The following SLC24A3 variants were observed in gnomAD, a reference collection of about 807,000 sequenced individuals.
SLC24A3 encodes the protein sodium/potassium/calcium exchanger 3.
In SLC24A3, 28 loss-of-function variants were observed where a neutral mutation model predicts 75.8. The ratio of observed to expected loss-of-function variants is 0.37; its 90% confidence interval spans 0.27 to 0.51. The LOEUF (loss-of-function observed/expected upper bound fraction) is 0.51. Among genes scored for constraint, SLC24A3 ranks in the 20% least tolerant of loss-of-function variants. SLC24A3 has a pLI of 0.94. For missense variants in SLC24A3, 663 were observed against 847.8 expected, an observed-to-expected ratio of 0.78 and a Z score of 2.71; for synonymous variants, 372 against 334.1, an observed-to-expected ratio of 1.11 and a Z score of -1.24.
chr20:19,258,732 G>T (rs1283239846), intron 1 of SLC24A3, among the ~76,000 whole-genome samples: 1 of 152,002 alleles, frequency 6.6e-6, no homozygotes, highest in African/African-American at 2.4e-5. Context: ...TAATGATGAG[G>T]CAGATATAAA....
intron 6 of SLC24A3, among the ~76,000 whole-genome samples, chr20:19,620,589 C>T (rs1302151171): frequency 1.3e-5 from 2 of 152,196 alleles, no homozygotes; most frequent in African/African-American, 4.8e-5. Context: ...TCCTAGCTGT[C>T]ACTGGGACAC....
chr20:19,638,270 G>A (rs1006131159), intron 6 of SLC24A3, among the ~76,000 whole-genome samples: 2 of 152,038 alleles, frequency 1.3e-5, no homozygotes, highest in African/African-American at 4.8e-5. Flanking sequence ...ATCTAGAAAG[G>A]CCTATTATGA....
intron 2 of SLC24A3, among the ~76,000 whole-genome samples, chr20:19,377,113 A>G (rs1210876142): frequency 6.6e-6 from 1 of 152,152 alleles, no homozygotes; most frequent in Non-Finnish European, 1.5e-5. Context: ...TGGAGTGTGT[A>G]CATTTCCCCC....
At position 19,722,436 on chromosome 20, in the gene SLC24A3, A is replaced by G. The variant is rs1425643211; in HGVS notation, c.*1296A>G. On this transcript the variant is annotated 3_prime_UTR_variant, in exon 17 of 17. Transcript: ENST00000328041. ...GTTACATGCAGACTCGCTCAAGGGC[A>G]TAAGTTATTGTGAACGTTTTTGCCA... The G allele has an allele frequency of 4.6e-5, 7 of 152,726 alleles. No homozygotes were observed. The highest frequency in any genetic ancestry group is 3.9e-4 in the Admixed American group (6 of 15,292). 9.5% of individuals were successfully genotyped at this position (152,726 alleles called of 1,614,324 possible).
intron 1 of SLC24A3, among the ~76,000 whole-genome samples, chr20:19,221,738 C>G (rs949797263): frequency 2.6e-5 from 4 of 152,166 alleles, no homozygotes; most frequent in East Asian, 1.9e-4. Context: ...GTATCCACCC[C>G]CCGCCTCACC....
At chr20:19,333,621 T>G (rs1026594195) in intron 2 of SLC24A3, among the ~76,000 whole-genome samples, 1 of 131,104 alleles carries the variant, frequency 7.6e-6, no homozygotes, top group South Asian at 2.5e-4. Flanking sequence ...CCAGTCTTGC[T>G]AGTGTGTGTG....
At chr20:19,219,880 G>T (rs912274217) in intron 1 of SLC24A3, among the ~76,000 whole-genome samples, 1 of 152,206 alleles carries the variant, frequency 6.6e-6, no homozygotes, top group African/African-American at 2.4e-5. Context: ...TTCAGAGGAG[G>T]TTGTCAGATG....
chr20:19,484,684 G>C (rs1237616554), intron 2 of SLC24A3, among the ~76,000 whole-genome samples: 3 of 152,164 alleles, frequency 2.0e-5, no homozygotes, highest in Admixed American at 6.6e-5. Context: ...CAGGGTCCGG[G>C]GGGAGGCAGG....
chr20:19,252,295 G>A (rs1982681834), intron 1 of SLC24A3, among the ~76,000 whole-genome samples: 1 of 152,218 alleles, frequency 6.6e-6, no homozygotes, highest in South Asian at 2.1e-4. Context: ...AATGGAGCCA[G>A]TCTTTCAACA....
chr20:19,423,134 C>T (rs144705697), intron 2 of SLC24A3, among the ~76,000 whole-genome samples: 12 of 152,306 alleles, frequency 7.9e-5, no homozygotes, highest in East Asian at 1.9e-4. Flanking sequence ...CGCATCCAGC[C>T]GGTCTGGCCA....
chr20:19,384,697 C>A (rs1986242081), intron 2 of SLC24A3, among the ~76,000 whole-genome samples: 1 of 152,158 alleles, frequency 6.6e-6, no homozygotes, highest in African/African-American at 2.4e-5. Flanking sequence ...ATACATACCC[C>A]AAAATGGGAT....
chr20:19,243,873 C>T (rs13039708), intron 1 of SLC24A3: 14,206 of 152,140 alleles, frequency 0.093, 1,154 homozygotes, highest in African/African-American at 0.22. Flanking sequence ...AATCAGCCAC[C>T]CACCTTGATT....
At chr20:19,348,535 C>T (rs751662806) in intron 2 of SLC24A3, among the ~76,000 whole-genome samples, 13 of 152,142 alleles carry the variant, frequency 8.5e-5, no homozygotes, top group African/African-American at 1.9e-4. Context: ...GCTTGCATTC[C>T]TCCTTGGTAT....
intron 2 of SLC24A3, among the ~76,000 whole-genome samples, chr20:19,401,923 T>C (rs565181228): frequency 9.2e-5 from 14 of 152,324 alleles, no homozygotes; most frequent in African/African-American, 3.1e-4. Context: ...ACACGTTTTA[T>C]TGATCACCTT....
intron 1 of SLC24A3, among the ~76,000 whole-genome samples, chr20:19,249,104 T>C (rs193208527): frequency 2.6e-4 from 39 of 152,110 alleles, no homozygotes; most frequent in Non-Finnish European, 4.7e-4. Flanking sequence ...CATTCCACAT[T>C]GTATATGTAG....
At chr20:19,666,126 A>G (rs1254352107) in intron 8 of SLC24A3, among the ~76,000 whole-genome samples, 1 of 152,168 alleles carries the variant, frequency 6.6e-6, no homozygotes, top group Non-Finnish European at 1.5e-5. Flanking sequence ...CCTAATATCT[A>G]AATGTCTTTA....
intron 3 of SLC24A3, among the ~76,000 whole-genome samples, chr20:19,530,437 T>C (rs780042441): frequency 9.2e-5 from 14 of 152,212 alleles, no homozygotes; most frequent in Admixed American, 2.6e-4. Context: ...TGGGTGAGGA[T>C]GTCAGTAGCA....
At chr20:19,714,404 C>CT (rs2033020818) in intron 15 of SLC24A3, among the ~76,000 whole-genome samples, 1 of 58,006 alleles carries the variant, frequency 1.7e-5, no homozygotes, top group African/African-American at 7.8e-5. Context: ...GACCCAGTCT[C>CT]TAAAAAAAAA....
At chr20:19,388,307 G>T (rs1441313102) in intron 2 of SLC24A3, among the ~76,000 whole-genome samples, 1 of 152,070 alleles carries the variant, frequency 6.6e-6, no homozygotes, top group Non-Finnish European at 1.5e-5. Flanking sequence ...ATTTAAAATT[G>T]CTGTATCTTC....
Sources: allele counts gnomAD v4.1 joint callset (sites outside exome capture counted in the v4.1 genomes callset), GRCh38; gene constraint gnomAD v4.1.1; transcripts MANE v1.5; gene names NCBI Gene and HGNC (gene_info 2026-07-23, HGNC 2026-07-21).